Variants in DPP10 observed in about 807,000 individuals in gnomAD.
DPP10 encodes the protein inactive dipeptidyl peptidase 10.
DPP10 carries 33 observed loss-of-function variants against 120.9 expected under a neutral mutation model. That is an observed-to-expected ratio of 0.27 (90% confidence interval 0.21 to 0.37). The LOEUF (loss-of-function observed/expected upper bound fraction) is 0.37. DPP10 is among the 10% of genes least tolerant of loss of function. DPP10 has a pLI of 1.00. For synonymous variants in DPP10, 337 were observed against 326.1 expected (o/e 1.03, Z -0.36); for missense variants, 816 against 942.8 (o/e 0.87, Z 1.76).
At chr2:114,786,856 C>CATGGATACAA (rs1682810253) in intron 1 of DPP10, among the ~76,000 whole-genome samples, 1 of 152,198 alleles carries the variant, frequency 6.6e-6, no homozygotes, top group African/African-American at 2.4e-5. Context: ...TCCATGGGCT[C>CATGGATACAA]TCCATCATTG....
intron 5 of DPP10, among the ~76,000 whole-genome samples, chr2:115,566,117 CG>C (rs1401284300): frequency 5.4e-4 from 82 of 152,068 alleles, no homozygotes; most frequent in African/African-American, 2.0e-3. Context: ...ATAATACTAT[CG>C]AAGTGATATT....
intron 1 of DPP10, among the ~76,000 whole-genome samples, chr2:114,943,203 T>A (rs1464376534): frequency 6.6e-6 from 1 of 152,322 alleles, no homozygotes; most frequent in East Asian, 1.9e-4. Flanking sequence ...TCCAGCTTCA[T>A]CCATGTCCCT....
chr2:115,548,389 T>A (rs1386733063), intron 5 of DPP10, among the ~76,000 whole-genome samples: 1 of 151,346 alleles, frequency 6.6e-6, no homozygotes, highest in African/African-American at 2.4e-5. Context: ...CCTGGCATTA[T>A]GCTAAAAATA....
At chr2:115,670,609 T>C (rs1575486289) in intron 5 of DPP10, among the ~76,000 whole-genome samples, 1 of 152,176 alleles carries the variant, frequency 6.6e-6, no homozygotes, top group South Asian at 2.1e-4. Context: ...CAACTAACTT[T>C]ACTTTTAAGC....
At chr2:115,580,095 A>T (rs2081929866) in intron 5 of DPP10, 1 of 152,152 alleles carries the variant, frequency 6.6e-6, no homozygotes, top group South Asian at 2.1e-4. Flanking sequence ...TTTCTGCCTT[A>T]GTTTGCTAGC....
intron 1 of DPP10, among the ~76,000 whole-genome samples, chr2:115,301,579 G>A (rs1460240959): frequency 1.3e-5 from 2 of 151,652 alleles, no homozygotes; most frequent in African/African-American, 4.8e-5. Context: ...TCTTGATGGG[G>A]CATTCACTTG....
intron 1 of DPP10, among the ~76,000 whole-genome samples, chr2:114,702,536 A>T (rs1032302856): frequency 3.3e-5 from 5 of 152,046 alleles, no homozygotes; most frequent in African/African-American, 9.7e-5. Context: ...TTTAGCCTTG[A>T]TCTTGAAAGA....
At chr2:115,404,428 T>TGG (rs771128319) in intron 3 of DPP10, among the ~76,000 whole-genome samples, 13 of 152,078 alleles carry the variant, frequency 8.5e-5, no homozygotes, top group African/African-American at 1.4e-4. Flanking sequence ...GAGATTTAGG[T>TGG]GGGGACAACA....
intron 1 of DPP10, among the ~76,000 whole-genome samples, chr2:114,679,847 A>T (rs1275787677): frequency 2.0e-5 from 3 of 152,030 alleles, no homozygotes; most frequent in African/African-American, 7.2e-5. Context: ...CTTCTACTAC[A>T]GTACCCTTAT....
intron 1 of DPP10, among the ~76,000 whole-genome samples, chr2:114,984,656 T>C (rs1574633711): frequency 6.6e-6 from 1 of 152,158 alleles, no homozygotes; most frequent in Admixed American, 6.5e-5. Context: ...AGGATTTAAA[T>C]AGGAAAATGA....
chr2:115,082,715 T>C (rs1708373671), intron 1 of DPP10, among the ~76,000 whole-genome samples: 1 of 152,214 alleles, frequency 6.6e-6, no homozygotes, highest in South Asian at 2.1e-4. Context: ...TTCCAGCCAG[T>C]GAACCTACCA....
chr2:115,678,583 C>A (rs959117760), intron 5 of DPP10, among the ~76,000 whole-genome samples: 2 of 152,120 alleles, frequency 1.3e-5, no homozygotes, highest in Non-Finnish European at 2.9e-5. Flanking sequence ...TCATGGAGAA[C>A]CTCTACTAGG....
At chr2:115,356,816 G>A (rs1257048443) in intron 3 of DPP10, among the ~76,000 whole-genome samples, 4 of 152,088 alleles carry the variant, frequency 2.6e-5, no homozygotes, top group Non-Finnish European at 5.9e-5. Flanking sequence ...CTATTGTAAA[G>A]GGTGCTACAA....
intron 1 of DPP10, among the ~76,000 whole-genome samples, chr2:114,469,462 G>A (rs1471431063): frequency 6.6e-6 from 1 of 152,172 alleles, no homozygotes; most frequent in African/African-American, 2.4e-5. Context: ...GGGGTGTGGT[G>A]GCTCATGCCT....
intron 5 of DPP10, among the ~76,000 whole-genome samples, chr2:115,554,902 GACAC>G (rs2080112297): frequency 6.6e-6 from 1 of 151,996 alleles, no homozygotes; most frequent in Non-Finnish European, 1.5e-5. Flanking sequence ...AATCACTCCT[GACAC>G]ATTGGGTTGA....
intron 1 of DPP10, among the ~76,000 whole-genome samples, chr2:115,020,906 G>T (rs1703022856): frequency 6.6e-6 from 1 of 152,018 alleles, no homozygotes; most frequent in African/African-American, 2.4e-5. Flanking sequence ...TAAATAACCT[G>T]CTCCTGAATG....
intron 1 of DPP10, among the ~76,000 whole-genome samples, chr2:115,050,401 A>G (rs1355404804): frequency 6.6e-6 from 1 of 152,138 alleles, no homozygotes; most frequent in Non-Finnish European, 1.5e-5. Flanking sequence ...TCCCTGAAAG[A>G]CCTGCTTAAA....
rs1444229063 is a variant in DPP10, at chr2:115,423,010, C to G, written c.272-76500C>G. Among the ~76,000 whole-genome samples the G allele has an allele frequency of 3.1e-4, 47 of 151,852 alleles. 1 individual carries two copies. The highest frequency in any genetic ancestry group is 1.5e-5 in the Non-Finnish European group (1 of 67,924). On this transcript the variant is annotated intron_variant, in intron 3 of 25. Coordinates refer to ENST00000410059, the MANE Select transcript of DPP10 (RefSeq NM_020868.6). ...TGTCCAACTGAAATATACTGTGAAC[C>G]ACAAATGTGAATATGACATTTAAAT...
intron 1 of DPP10, among the ~76,000 whole-genome samples, chr2:115,059,020 A>G (rs1230814183): frequency 1.3e-5 from 2 of 152,180 alleles, no homozygotes; most frequent in Non-Finnish European, 2.9e-5. Context: ...AGCACGTTTC[A>G]ACTAGGAATC....
Sources: allele counts gnomAD v4.1 joint callset (sites outside exome capture counted in the v4.1 genomes callset), GRCh38; gene constraint gnomAD v4.1.1; transcripts MANE v1.5; gene names NCBI Gene and HGNC (gene_info 2026-07-23, HGNC 2026-07-21).